Variants in ATRNL1 observed in about 807,000 individuals in gnomAD.
ATRNL1 encodes the protein attractin-like protein 1.
ATRNL1 carries 95 observed loss-of-function variants against 182.7 expected under a neutral mutation model. The observed-to-expected ratio is 0.52, with a 90% confidence interval of 0.44 to 0.62. The LOEUF (loss-of-function observed/expected upper bound fraction) is 0.62. Among genes scored for constraint, ATRNL1 ranks in the 20% least tolerant of loss-of-function variants. The probability of loss-of-function intolerance (pLI) is 0.00; values close to 1 mark genes in which losing one functional copy is unlikely to be tolerated. For synonymous variants in ATRNL1, 576 were observed against 568.3 expected (o/e 1.01, Z -0.19); for missense variants, 1,471 against 1,679.5 (o/e 0.88, Z 2.17).
At chr10:115,634,622 T>C (rs1858741994) in intron 26 of ATRNL1, among the ~76,000 whole-genome samples, 1 of 152,166 alleles carries the variant, frequency 6.6e-6, no homozygotes, top group Non-Finnish European at 1.5e-5. Context: ...TTGAATATAA[T>C]TTAGAAAAAT....
intron 13 of ATRNL1, among the ~76,000 whole-genome samples, chr10:115,278,490 A>G (rs549724077): frequency 8.5e-5 from 13 of 152,350 alleles, no homozygotes; most frequent in Admixed American, 7.8e-4. Flanking sequence ...GCTACAGGTC[A>G]CCATTTGCCC....
intron 21 of ATRNL1, among the ~76,000 whole-genome samples, chr10:115,457,589 TGCCCGCACA>T (rs1171088122): frequency 1.3e-5 from 2 of 152,110 alleles, no homozygotes; most frequent in Non-Finnish European, 2.9e-5. Flanking sequence ...ATCTTTTCTC[TGCCCGCACA>T]TTTCCCAACC....
intron 26 of ATRNL1, among the ~76,000 whole-genome samples, chr10:115,692,803 A>C (rs186285541): frequency 6.6e-6 from 1 of 152,222 alleles, no homozygotes; most frequent in Admixed American, 6.5e-5. Context: ...TGTAGAAGAC[A>C]TTAATGTTTT....
At position 115,535,569 on chromosome 10, in the gene ATRNL1, C is replaced by T. The variant is rs556485015; in HGVS notation, c.3717-13889C>T. 4.7e-4 allele frequency among the ~76,000 whole-genome samples: 71 copies of T among 152,250 alleles called. 1 individual carries two copies. The highest frequency in any genetic ancestry group is 1.3e-3 in the Admixed American group (20 of 15,294). Reference sequence around the variant, plus strand: ...TTGGTTTGAATATCCTCCTGTAGCTCGGAGCAGTTTGATTGTCTGAAGCCT... The same window carrying T: ...TTGGTTTGAATATCCTCCTGTAGCTTGGAGCAGTTTGATTGTCTGAAGCCT... On this transcript the variant is annotated intron_variant, in intron 25 of 28. Coordinates refer to ENST00000355044, the MANE Select transcript of ATRNL1 (RefSeq NM_207303.4).
rs1555060539 is a variant in ATRNL1 at position 115,727,330 on chromosome 10, C to CA, written c.3879dup (p.Glu1294ArgfsTer17). The CA allele has an allele frequency of 6.2e-7, 1 of 1,614,052 alleles. No individual in the cohort carries two copies. The highest frequency in any genetic ancestry group is 1.7e-5 in the Admixed American group (1 of 60,016). On this transcript the variant is annotated frameshift_variant, in exon 27 of 29. Coordinates refer to ENST00000355044, the MANE Select transcript of ATRNL1 (RefSeq NM_207303.4). LOFTEE classifies it high-confidence loss of function. ...GCTCTGGAAGTGGGAGCTGAACAAA[C>CA]AGAGTTTCTGCGAGGGCCATTAGAG...
intron 24 of ATRNL1, among the ~76,000 whole-genome samples, chr10:115,513,022 CATT>C (rs1345255322): frequency 1.3e-5 from 2 of 152,036 alleles, no homozygotes; most frequent in East Asian, 1.9e-4. Flanking sequence ...TTTCTTAAAA[CATT>C]ATGAGATTTT....
intron 28 of ATRNL1, among the ~76,000 whole-genome samples, chr10:115,898,385 G>A (rs2134481800): frequency 6.6e-6 from 1 of 152,324 alleles, no homozygotes; most frequent in African/African-American, 2.4e-5. Context: ...TTTGTGCAGT[G>A]AAAGACTTCC....
chr10:115,489,805 G>A (rs1334557241), intron 24 of ATRNL1, among the ~76,000 whole-genome samples: 1 of 152,184 alleles, frequency 6.6e-6, no homozygotes, highest in Non-Finnish European at 1.5e-5. Flanking sequence ...AGTTGATGCA[G>A]TTTCTTCATA....
intron 27 of ATRNL1, among the ~76,000 whole-genome samples, chr10:115,733,656 G>T (rs1417322372): frequency 6.6e-6 from 1 of 152,134 alleles, no homozygotes; most frequent in Non-Finnish European, 1.5e-5. Context: ...TGGTCCCCCT[G>T]GTTCCTCATT....
At chr10:115,554,794 C>G (rs1049530496) in intron 26 of ATRNL1, among the ~76,000 whole-genome samples, 1 of 151,462 alleles carries the variant, frequency 6.6e-6, no homozygotes, top group Non-Finnish European at 1.5e-5. Context: ...AAAAAAACCC[C>G]TAAACAAAAA....
At chr10:115,881,413 C>T (rs545282051) in intron 28 of ATRNL1, among the ~76,000 whole-genome samples, 10 of 152,116 alleles carry the variant, frequency 6.6e-5, no homozygotes, top group South Asian at 2.1e-4. Context: ...CTGTTTCTGC[C>T]GGATGGTGAT....
chr10:115,495,172 G>A (rs1849483019), intron 24 of ATRNL1, among the ~76,000 whole-genome samples: 1 of 152,056 alleles, frequency 6.6e-6, no homozygotes, highest in Middle Eastern at 3.4e-3. Context: ...GGGAATGGTT[G>A]TAGTGTTATG....
intron 18 of ATRNL1, among the ~76,000 whole-genome samples, chr10:115,324,091 A>T (rs1360013091): frequency 6.6e-6 from 1 of 151,732 alleles, no homozygotes; most frequent in South Asian, 2.1e-4. Context: ...TTTATCTTTT[A>T]TGTGTATTCT....
chr10:115,263,651 A>G (rs782444784), intron 10 of ATRNL1, among the ~76,000 whole-genome samples: 20 of 151,762 alleles, frequency 1.3e-4, no homozygotes, highest in Non-Finnish European at 2.4e-4. Context: ...TTAATTTATA[A>G]AAGTATACAG....
chr10:115,455,215 A>G (rs528169132), intron 21 of ATRNL1, among the ~76,000 whole-genome samples: 2 of 152,278 alleles, frequency 1.3e-5, no homozygotes, highest in South Asian at 4.1e-4. Flanking sequence ...ATGTTGAACC[A>G]TCCTTGTATC....
chr10:115,166,369 G>A (rs148918805), intron 7 of ATRNL1, among the ~76,000 whole-genome samples: 26 of 151,948 alleles, frequency 1.7e-4, no homozygotes, highest in African/African-American at 5.8e-4. Flanking sequence ...ATGAACATGT[G>A]TGTACAACTA....
Position 115,288,552 on chromosome 10 carries a change from C to T in ATRNL1, c.2415+2155C>T, listed in dbSNP as rs1323320188. Among the ~76,000 whole-genome samples the T allele has an allele frequency of 3.3e-5, 5 of 149,288 alleles. No homozygotes were observed. The East Asian group carries it at 5.9e-4, about 18-fold the overall frequency. On this transcript the variant is annotated intron_variant, in intron 15 of 28. Transcript: ENST00000355044. ...TTTTTTATTTTTTTTGAGACAGTCT[C>T]GCTCAGTTGGCCAGGCTGGAGTGCG...
At chr10:115,179,312 A>G (rs971080293) in intron 8 of ATRNL1, among the ~76,000 whole-genome samples, 1 of 151,812 alleles carries the variant, frequency 6.6e-6, no homozygotes, top group East Asian at 1.9e-4. Context: ...GTGGGAGATG[A>G]GTGGGGTTGT....
intron 26 of ATRNL1, among the ~76,000 whole-genome samples, chr10:115,622,410 T>A (rs967050884): frequency 6.6e-6 from 1 of 152,210 alleles, no homozygotes; most frequent in Non-Finnish European, 1.5e-5. Context: ...TGTAGCAAGC[T>A]CAAGTTTGAA....
Sources: gnomAD v4.1 joint callset for allele counts (sites outside exome capture counted in the v4.1 genomes callset) on GRCh38, gnomAD v4.1.1 for gene constraint, MANE v1.5 for transcripts, NCBI Gene and HGNC (gene_info 2026-07-23, HGNC 2026-07-21) for gene names.